The following GRIA4 variants were observed in gnomAD, a reference collection of about 807,000 sequenced individuals.
GRIA4 encodes the protein glutamate ionotropic receptor AMPA type subunit 4, also known as glutamate receptor 4.
A neutral mutation model predicts 104.0 loss-of-function variants in GRIA4; 34 were observed. That is an observed-to-expected ratio of 0.33 (90% confidence interval 0.25 to 0.44). GRIA4 has a LOEUF of 0.44. Ranked by LOEUF, GRIA4 falls within the 20% of genes least tolerant of loss-of-function variation. The probability of loss-of-function intolerance (pLI) is 1.00; values close to 1 mark genes in which losing one functional copy is unlikely to be tolerated. For synonymous variants in GRIA4, 386 were observed against 381.9 expected (o/e 1.01, Z -0.13); for missense variants, 750 against 1,096.5 (o/e 0.68, Z 4.46).
intron 15 of GRIA4, 69 bp from the exon 16 acceptor site, chr11:105,974,241 T>G: frequency 6.8e-7 from 1 of 1,480,046 alleles, no homozygotes; most frequent in East Asian, 2.3e-5. Context: ...CTTTTTGGAT[T>G]TCATGTGTTC....
At chr11:105,700,817 T>A (rs1472468828) in intron 3 of GRIA4, among the ~76,000 whole-genome samples, 1 of 152,178 alleles carries the variant, frequency 6.6e-6, no homozygotes, top group Admixed American at 6.6e-5. Flanking sequence ...TTTTCCTGCC[T>A]CTGGCTTTGT....
At chr11:105,976,028 G>A (rs554167774) in intron 16 of GRIA4, among the ~76,000 whole-genome samples, 1 of 152,200 alleles carries the variant, frequency 6.6e-6, no homozygotes, top group East Asian at 1.9e-4. Context: ...ATATCAAGGT[G>A]TCTTAGCCAT....
At chr11:105,680,717 C>T (rs1952682222) in intron 3 of GRIA4, among the ~76,000 whole-genome samples, 2 of 152,124 alleles carry the variant, frequency 1.3e-5, no homozygotes, top group Non-Finnish European at 2.9e-5. Flanking sequence ...ATTTACCCTC[C>T]TCCCTTCCCC....
intron 11 of GRIA4, among the ~76,000 whole-genome samples, chr11:105,919,418 A>G (rs935473802): frequency 2.0e-5 from 3 of 152,144 alleles, no homozygotes; most frequent in Non-Finnish European, 4.4e-5. Flanking sequence ...ATATTCATCA[A>G]TAATGTCAGA....
chr11:105,941,447 A>G (rs948190853), intron 14 of GRIA4, among the ~76,000 whole-genome samples: 3 of 152,164 alleles, frequency 2.0e-5, no homozygotes. Flanking sequence ...CCACCTTTCA[A>G]TGTACACAAT....
At chr11:105,891,071 A>C (rs1290004752) in intron 6 of GRIA4, among the ~76,000 whole-genome samples, 3 of 152,210 alleles carry the variant, frequency 2.0e-5, no homozygotes, top group Non-Finnish European at 4.4e-5. Flanking sequence ...TCTGTTTCTT[A>C]GAGATTCAAG....
intron 4 of GRIA4, among the ~76,000 whole-genome samples, chr11:105,779,260 C>A (rs2135766094): frequency 6.6e-6 from 1 of 152,070 alleles, no homozygotes; most frequent in South Asian, 2.1e-4. Flanking sequence ...TCAAGGAGAA[C>A]TACAAACCAC....
rs1187692594 is a variant in GRIA4, at chr11:105,910,415, G to C, written c.1159-20G>C. The stretch of plus-strand genomic sequence containing the variant: ...AAATGCTTCTAAAATATGTTTTCAA[G>C]CATGTTCTCTATTTGGCAGGTTGGT... On this transcript the variant is annotated intron_variant, in intron 9 of 16. Transcript: ENST00000282499. The C allele has an allele frequency of 1.7e-6, 2 of 1,156,528 alleles. No individual in the cohort carries two copies. The highest frequency in any genetic ancestry group is 2.6e-6 in the Non-Finnish European group (2 of 762,704). The allele number at this position is 1,156,528 out of a possible 1,614,324, so 71.6% of individuals were successfully genotyped here.
At chr11:105,696,890 A>C (rs1953298578) in intron 3 of GRIA4, among the ~76,000 whole-genome samples, 1 of 151,832 alleles carries the variant, frequency 6.6e-6, no homozygotes, top group African/African-American at 2.4e-5. Context: ...TCAGCCCCCC[A>C]AATAGCTGGG....
chr11:105,941,929 C>G (rs1283655243), intron 14 of GRIA4, among the ~76,000 whole-genome samples: 1 of 152,062 alleles, frequency 6.6e-6, no homozygotes, highest in African/African-American at 2.4e-5. Context: ...CTATTAGTAA[C>G]TAAGAAAAGA....
chr11:105,655,297 T>C (rs567379088), intron 3 of GRIA4, among the ~76,000 whole-genome samples: 88 of 152,310 alleles, frequency 5.8e-4, no homozygotes, highest in African/African-American at 1.9e-3. Context: ...TTTGAAGACT[T>C]TGAGTAGTTA....
chr11:105,833,513 A>G (rs72987125), intron 4 of GRIA4, among the ~76,000 whole-genome samples: 24,443 of 151,938 alleles, frequency 0.16, 2,572 homozygotes, highest in Non-Finnish European at 0.24. Context: ...TCAAAAAATA[A>G]TGCTATTTTT....
In GRIA4 at chr11:105,921,814, G is replaced by GT. The variant is rs533713237; in HGVS notation, c.1477-2585_1477-2584insT. Among the ~76,000 whole-genome samples the GT allele has an allele frequency of 2.1e-3, 321 of 152,186 alleles. 2 individuals carry two copies. The highest frequency in any genetic ancestry group is 7.5e-3 in the African/African-American group (312 of 41,550). Reference sequence around the variant, plus strand: ...TTATTTATTCCTGTTGGTACAGGAGGATGACTACTTGGAGAATTAACAATT... The same window carrying GT: ...TTATTTATTCCTGTTGGTACAGGAGGTATGACTACTTGGAGAATTAACAATT... On this transcript the variant is annotated intron_variant, in intron 11 of 16. Transcript: ENST00000282499.
chr11:105,679,652 G>A (rs1187572896), intron 3 of GRIA4, among the ~76,000 whole-genome samples: 8 of 152,040 alleles, frequency 5.3e-5, no homozygotes, highest in African/African-American at 1.7e-4. Context: ...TGCATCTTAT[G>A]TTATATGACA....
chr11:105,879,125 C>T (rs1421421091), intron 5 of GRIA4, among the ~76,000 whole-genome samples: 1 of 152,164 alleles, frequency 6.6e-6, no homozygotes, highest in Non-Finnish European at 1.5e-5. Flanking sequence ...TCTCTTACAG[C>T]TTCCCTTGTC....
chr11:105,653,461 C>T (rs1591507319), intron 3 of GRIA4, among the ~76,000 whole-genome samples: 5 of 152,282 alleles, frequency 3.3e-5, no homozygotes, highest in Admixed American at 3.3e-4. Flanking sequence ...TGGCTCATGT[C>T]CCAGGCATGA....
At chr11:105,972,100 A>G (rs781441075) in intron 15 of GRIA4, 72 bp downstream of exon 15, 6 of 884,738 alleles carry the variant, frequency 6.8e-6, no homozygotes, top group Admixed American at 3.8e-5. Context: ...TCAAAAGTAT[A>G]TGGAAACCAT....
At chr11:105,742,158 C>T (rs906066650) in intron 3 of GRIA4, among the ~76,000 whole-genome samples, 1 of 152,080 alleles carries the variant, frequency 6.6e-6, no homozygotes, top group Non-Finnish European at 1.5e-5. Flanking sequence ...AGTTTATAAG[C>T]TACTTCATGT....
chr11:105,805,466 G>A (rs1942908018), intron 4 of GRIA4, among the ~76,000 whole-genome samples: 1 of 97,260 alleles, frequency 1.0e-5, no homozygotes, highest in African/African-American at 5.5e-5. Flanking sequence ...CAAGTGGAGA[G>A]CAAGAAATCA....
Sources: gnomAD v4.1 joint callset for allele counts (sites outside exome capture counted in the v4.1 genomes callset) on GRCh38, gnomAD v4.1.1 for gene constraint, MANE v1.5 for transcripts, NCBI Gene and HGNC (gene_info 2026-07-23, HGNC 2026-07-21) for gene names.